The following DEPTOR variants were observed in gnomAD, a reference collection of about 807,000 sequenced individuals.
DEPTOR encodes DEP domain-containing mTOR-interacting protein.
DEPTOR carries 41 observed loss-of-function variants against 41.6 expected under a neutral mutation model. That is an observed-to-expected ratio of 0.98 (90% confidence interval 0.77 to 1.28). The LOEUF (loss-of-function observed/expected upper bound fraction) is 1.28, where lower values mean the gene tolerates loss of function less well. DEPTOR is among the 50% of genes most tolerant of loss of function. The pLI is 0.00. For synonymous variants in DEPTOR, 195 were observed against 192.3 expected (o/e 1.01, Z -0.12); for missense variants, 514 against 527.9 (o/e 0.97, Z 0.26).
intron 4 of DEPTOR, among the ~76,000 whole-genome samples, chr8:119,967,442 G>A (rs555262211): frequency 6.6e-6 from 1 of 151,854 alleles, no homozygotes; most frequent in Non-Finnish European, 1.5e-5. Context: ...TTTATGGCCT[G>A]TTTTTACACA....
Position 119,873,725 on chromosome 8 carries a change from C to A in DEPTOR, c.-122C>A. 2.9e-6 allele frequency: 4 copies of A among 1,399,104 alleles called. No individual in the cohort carries two copies. The highest frequency in any genetic ancestry group is 1.4e-5 in the South Asian group (1 of 69,494). 86.7% of individuals were successfully genotyped at this position (1,399,104 alleles called of 1,614,324 possible). A position where few individuals can be genotyped will look rare whatever the true frequency, so the allele number is the denominator to read the frequency against. ...GGATTCCCTCTCCAGCCAATCCAGT[C>A]AGAGCAGCGGAGCTGCCCCGAACAA... is the stretch of plus-strand genomic sequence containing the variant. On this transcript the variant is annotated 5_prime_UTR_variant, in exon 1 of 9. Coordinates refer to ENST00000286234, the MANE Select transcript of DEPTOR (RefSeq NM_022783.4).
intron 8 of DEPTOR, among the ~76,000 whole-genome samples, chr8:120,027,770 G>A (rs1812821373): frequency 6.6e-6 from 1 of 151,806 alleles, no homozygotes. Flanking sequence ...GTACTGGGCT[G>A]GAATAGAATC....
chr8:120,031,734 T>C (rs899909446), intron 8 of DEPTOR, among the ~76,000 whole-genome samples: 1 of 152,154 alleles, frequency 6.6e-6, no homozygotes. Context: ...ATTTCCATCA[T>C]TGCCAACATT....
At chr8:119,901,951 T>C (rs1054119153) in intron 1 of DEPTOR, among the ~76,000 whole-genome samples, 2 of 152,156 alleles carry the variant, frequency 1.3e-5, no homozygotes, top group Non-Finnish European at 2.9e-5. Context: ...CAATTTTCCT[T>C]TTCTTGATTT....
chr8:119,882,444 A>C (rs1266322328), intron 1 of DEPTOR, among the ~76,000 whole-genome samples: 2 of 151,824 alleles, frequency 1.3e-5, no homozygotes, highest in African/African-American at 4.8e-5. Flanking sequence ...CTTGTTGCCC[A>C]GGTGCAGTGG....
intron 1 of DEPTOR, among the ~76,000 whole-genome samples, chr8:119,876,204 G>A (rs1027763487): frequency 8.5e-5 from 13 of 152,196 alleles, no homozygotes; most frequent in African/African-American, 3.1e-4. Flanking sequence ...TCTCTGCACT[G>A]CAGCAGTTTT....
chr8:119,925,058 C>T (rs780613739), intron 1 of DEPTOR, among the ~76,000 whole-genome samples: 3 of 152,092 alleles, frequency 2.0e-5, no homozygotes, highest in Non-Finnish European at 4.4e-5. Context: ...GATACATGGC[C>T]GTGGGCAAGA....
intron 3 of DEPTOR, among the ~76,000 whole-genome samples, chr8:119,938,874 C>T (rs1159164642): frequency 1.5e-5 from 2 of 136,820 alleles, no homozygotes; most frequent in African/African-American, 2.6e-5. Flanking sequence ...TCCCTCTCTG[C>T]CTTCCCCTCT....
At chr8:120,042,996 A>G (rs1051440116) in intron 8 of DEPTOR, among the ~76,000 whole-genome samples, 11 of 151,886 alleles carry the variant, frequency 7.2e-5, no homozygotes, top group African/African-American at 2.2e-4. Context: ...GATTACAGGT[A>G]TGTACCACCA....
chr8:120,012,231 C>G (rs1396481883), intron 8 of DEPTOR, among the ~76,000 whole-genome samples: 1 of 152,182 alleles, frequency 6.6e-6, no homozygotes, highest in African/African-American at 2.4e-5. Context: ...TCATACACCA[C>G]TTAATGACAG....
intron 8 of DEPTOR, among the ~76,000 whole-genome samples, chr8:120,034,743 C>G (rs1812952323): frequency 1.3e-5 from 2 of 152,070 alleles, no homozygotes; most frequent in Admixed American, 1.3e-4. Flanking sequence ...AGTCACTGTG[C>G]CTGGCTATGA....
chr8:119,874,000 G>C (rs373018055), intron 1 of DEPTOR, 32 bp downstream of exon 1: 2 of 1,611,918 alleles, frequency 1.2e-6, no homozygotes, highest in South Asian at 1.1e-5. Context: ...GTGAGCTCAC[G>C]ATGGCACTGC....
chr8:119,959,184 A>G (rs1433935458), intron 3 of DEPTOR, among the ~76,000 whole-genome samples: 1 of 112,070 alleles, frequency 8.9e-6, no homozygotes, highest in Admixed American at 1.2e-4. Context: ...TTTTTTTGAG[A>G]CAGAATCTCG....
chr8:119,902,989 C>T (rs1827614448), intron 1 of DEPTOR, among the ~76,000 whole-genome samples: 1 of 152,148 alleles, frequency 6.6e-6, no homozygotes, highest in African/African-American at 2.4e-5. Context: ...AAATTGTGTG[C>T]TCCGTGAGGG....
At chr8:119,931,576 T>C (rs970584854) in intron 3 of DEPTOR, among the ~76,000 whole-genome samples, 3 of 152,214 alleles carry the variant, frequency 2.0e-5, no homozygotes, top group African/African-American at 4.8e-5. Context: ...TCCTGTGTTA[T>C]GCGCTCTGTC....
chr8:119,929,494 AT>A (rs142781007), intron 2 of DEPTOR, among the ~76,000 whole-genome samples: 2,433 of 152,226 alleles, frequency 0.016, 58 homozygotes, highest in African/African-American at 0.054. Flanking sequence ...AGGCTGATGC[AT>A]GCCCCAATAT....
intron 3 of DEPTOR, among the ~76,000 whole-genome samples, chr8:119,938,005 T>C (rs1828135374): frequency 6.6e-6 from 1 of 152,194 alleles, no homozygotes. Context: ...ACTACCTTTA[T>C]CTCTTAGGTC....
At chr8:119,911,610 G>A (rs62528672) in intron 1 of DEPTOR, among the ~76,000 whole-genome samples, 108,781 of 151,636 alleles carry the variant, frequency 0.72, 39,455 homozygotes, top group East Asian at 0.95. Context: ...GAGCCACCGT[G>A]CCTGGCCCCT....
At chr8:119,877,749 C>G (rs1827246947) in intron 1 of DEPTOR, among the ~76,000 whole-genome samples, 1 of 152,216 alleles carries the variant, frequency 6.6e-6, no homozygotes, top group Non-Finnish European at 1.5e-5. Flanking sequence ...AAGCATCCTT[C>G]CCTACAGAAT....
Sources: gnomAD v4.1 joint callset for allele counts (sites outside exome capture counted in the v4.1 genomes callset) on GRCh38, gnomAD v4.1.1 for gene constraint, MANE v1.5 for transcripts, NCBI Gene and HGNC (gene_info 2026-07-23, HGNC 2026-07-21) for gene names.